Variants in CORIN observed in about 807,000 individuals in gnomAD.
The protein encoded by CORIN is corin, serine peptidase.
In CORIN, 117 loss-of-function variants were observed where a neutral mutation model predicts 125.3. The ratio of observed to expected loss-of-function variants is 0.93; its 90% CI spans 0.80 to 1.09. The LOEUF is 1.09. Ranked by LOEUF, CORIN falls within the 50% of genes least tolerant of loss-of-function variation. CORIN has a pLI of 0.00. For synonymous variants in CORIN, 450 were observed against 466.4 expected, an observed-to-expected ratio of 0.96 and a Z score of 0.45; for missense variants, 1,253 against 1,306.7, an observed-to-expected ratio of 0.96 and a Z score of 0.63.
chr4:47,744,467 T>G lies in CORIN; in HGVS notation c.734A>C (p.Asn245Thr). The G allele has an allele frequency of 6.2e-7, 1 of 1,614,062 alleles. No homozygotes were observed. The highest frequency in any genetic ancestry group is 8.5e-7 in the Non-Finnish European group (1 of 1,179,996). ...PDFLRCSQFR[N>T]QTESSNVSRI... is the part of the protein sequence containing the mutation. ...GCTGACATTGCTGCTTTCAGTTTGG[T>G]TTCTAAACTGGGAGCATCTGAGGAA... Residue 245 changes from asparagine (N) to threonine (T), a missense_variant, in exon 5 of 22, where the codon AAC becomes ACC. Asn to Thr is a moderately conservative substitution (Grantham distance 65). Transcript: ENST00000273857.
At chr4:47,767,908 A>T (rs1216478245) in intron 3 of CORIN, among the ~76,000 whole-genome samples, 1 of 152,208 alleles carries the variant, frequency 6.6e-6, no homozygotes, top group Non-Finnish European at 1.5e-5. Flanking sequence ...CCCAATAATG[A>T]GAAAGGATAT....
At chr4:47,638,888 C>T (rs568202266) in intron 16 of CORIN, among the ~76,000 whole-genome samples, 1 of 152,150 alleles carries the variant, frequency 6.6e-6, no homozygotes, top group Non-Finnish European at 1.5e-5. Flanking sequence ...CAACAAAGAA[C>T]TCTAAATCTT....
intron 1 of CORIN, among the ~76,000 whole-genome samples, chr4:47,822,608 T>C (rs1732566489): frequency 6.6e-6 from 1 of 152,232 alleles, no homozygotes; most frequent in Admixed American, 6.5e-5. Context: ...AGTTGTGGTT[T>C]AGGATTAAAT....
At chr4:47,672,521 T>G (rs1375082866) in intron 10 of CORIN, among the ~76,000 whole-genome samples, 1 of 152,044 alleles carries the variant, frequency 6.6e-6, no homozygotes, top group East Asian at 1.9e-4. Flanking sequence ...ACTATTTAAG[T>G]TGAAGGTGAA....
intron 5 of CORIN, among the ~76,000 whole-genome samples, chr4:47,725,519 G>A (rs1409458469): frequency 6.6e-6 from 1 of 151,968 alleles, no homozygotes; most frequent in Non-Finnish European, 1.5e-5. Flanking sequence ...AATTTAATAG[G>A]AGAAATATAG....
intron 2 of CORIN, among the ~76,000 whole-genome samples, chr4:47,804,150 A>T (rs1474985354): frequency 6.6e-6 from 1 of 152,216 alleles, no homozygotes; most frequent in Non-Finnish European, 1.5e-5. Flanking sequence ...CAAAACTACA[A>T]TGAGATATTA....
chr4:47,717,998 G>T (rs932514557), intron 5 of CORIN, among the ~76,000 whole-genome samples: 1 of 152,142 alleles, frequency 6.6e-6, no homozygotes, highest in African/African-American at 2.4e-5. Flanking sequence ...ATACAGGAGG[G>T]AGGGGAAACT....
chr4:47,646,449 T>G (rs1450326725), intron 13 of CORIN, among the ~76,000 whole-genome samples: 1 of 152,228 alleles, frequency 6.6e-6, no homozygotes, highest in East Asian at 1.9e-4. Flanking sequence ...AACTGTAATT[T>G]GCCTATGAAA....
intron 5 of CORIN, among the ~76,000 whole-genome samples, chr4:47,702,432 A>G (rs1050937016): frequency 2.0e-4 from 30 of 152,176 alleles, no homozygotes; most frequent in Non-Finnish European, 3.4e-4. Context: ...CCTTTTTTAA[A>G]TGTGTAACTC....
At chr4:47,773,848 T>C (rs1204036341) in intron 3 of CORIN, among the ~76,000 whole-genome samples, 1 of 151,638 alleles carries the variant, frequency 6.6e-6, no homozygotes, top group Non-Finnish European at 1.5e-5. Flanking sequence ...GTTCATTGAT[T>C]TGAAAGATAA....
intron 3 of CORIN, among the ~76,000 whole-genome samples, chr4:47,772,493 T>C (rs1036238356): frequency 6.6e-6 from 1 of 152,220 alleles, no homozygotes; most frequent in African/African-American, 2.4e-5. Context: ...AAATCATCCA[T>C]CCTAGAGTTA....
intron 13 of CORIN, among the ~76,000 whole-genome samples, chr4:47,649,957 A>T (rs1170942450): frequency 6.6e-6 from 1 of 152,204 alleles, no homozygotes; most frequent in Middle Eastern, 3.2e-3. Context: ...GACTGGTAGT[A>T]TTTGGAGTGT....
intron 6 of CORIN, among the ~76,000 whole-genome samples, chr4:47,686,533 T>C (rs895167034): frequency 2.0e-5 from 3 of 152,194 alleles, no homozygotes; most frequent in African/African-American, 4.8e-5. Context: ...ATGTGACAGC[T>C]GAGTGGAAAG....
At chr4:47,748,967 T>C (rs1025906907) in intron 4 of CORIN, among the ~76,000 whole-genome samples, 23 of 152,330 alleles carry the variant, frequency 1.5e-4, no homozygotes, top group Non-Finnish European at 2.8e-4. Flanking sequence ...TGATACAATA[T>C]CTTTAACAAA....
At chr4:47,645,285 C>G in intron 13 of CORIN, 91 bp from the exon 14 acceptor site, 1 of 807,020 alleles carries the variant, frequency 1.2e-6, no homozygotes, top group South Asian at 1.6e-5. Flanking sequence ...GCTATAAAGG[C>G]ATGATGTTGG....
chr4:47,783,593 T>G (rs570868507), intron 3 of CORIN, among the ~76,000 whole-genome samples: 1 of 152,212 alleles, frequency 6.6e-6, no homozygotes, highest in African/African-American at 2.4e-5. Context: ...GAAGTATATT[T>G]AAATAGCTTT....
chr4:47,786,320 A>C (rs1170483504), intron 3 of CORIN, among the ~76,000 whole-genome samples: 1 of 152,004 alleles, frequency 6.6e-6, no homozygotes, highest in Non-Finnish European at 1.5e-5. Context: ...GGATCACTTG[A>C]GGTCAGGAGT....
intron 19 of CORIN, among the ~76,000 whole-genome samples, chr4:47,618,597 A>T (rs1277959201): frequency 6.6e-6 from 1 of 152,012 alleles, no homozygotes; most frequent in Non-Finnish European, 1.5e-5. Flanking sequence ...AGGAGGGCGG[A>T]TCACAAGGTC....
At chr4:47,766,458 T>C (rs1034203608) in intron 3 of CORIN, among the ~76,000 whole-genome samples, 1 of 152,078 alleles carries the variant, frequency 6.6e-6, no homozygotes, top group East Asian at 1.9e-4. Flanking sequence ...CTTCCACATA[T>C]ATCCCATTAT....
Sources: allele counts gnomAD v4.1 joint callset (sites outside exome capture counted in the v4.1 genomes callset), GRCh38; gene constraint gnomAD v4.1.1; transcripts MANE v1.5; gene names NCBI Gene and HGNC (gene_info 2026-07-23, HGNC 2026-07-21).